Variants in SMG1 observed in about 807,000 individuals in gnomAD.
SMG1 encodes the protein SMG1 nonsense mediated mRNA decay associated PI3K related kinase.
Under a neutral mutation model 419.9 loss-of-function variants are expected in SMG1, and 22 were observed. The ratio of observed to expected loss-of-function variants is 0.05; its 90% CI spans 0.04 to 0.07. The LOEUF is 0.07. SMG1 is among the 10% of genes least tolerant of loss of function. The pLI is 1.00. For synonymous variants in SMG1, 1,538 were observed against 1,553.5 expected (o/e 0.99, Z 0.23); for missense variants, 3,185 against 4,342.0 (o/e 0.73, Z 7.49).
chr16:18,903,900 G>A (rs1259588357), intron 1 of SMG1, among the ~76,000 whole-genome samples: 2 of 145,830 alleles, frequency 1.4e-5, no homozygotes, highest in Non-Finnish European at 3.0e-5. Context: ...ATCTGGATCT[G>A]TCTATTCCCC....
Position 18,838,061 on chromosome 16 carries a change from G to A in SMG1, c.7366C>T (p.Arg2456Ter), listed in dbSNP as rs768541130. Reference sequence around the variant, plus strand: ...GAAAACAGGCTGCGGGTGATCTCTCGCTCCATCTCTCTCTTGCTCTGCTTG... The same window carrying A: ...GAAAACAGGCTGCGGGTGATCTCTCACTCCATCTCTCTCTTGCTCTGCTTG... ...ESKQSKREMEREITRSLFSSR... is the reference protein window; with the variant it reads ...ESKQSKREME The change falls in exon 45 of 63, where the codon CGA becomes TGA. Residue 2456 changes from arginine to a stop codon, truncating the protein, a stop_gained. Transcript: ENST00000446231. LOFTEE classifies it high-confidence loss of function. The A allele has an allele frequency of 6.2e-7, 1 of 1,613,842 alleles. No individual in the cohort carries two copies.
intron 1 of SMG1, among the ~76,000 whole-genome samples, chr16:18,908,418 C>T (rs2037659700): frequency 7.5e-6 from 1 of 133,070 alleles, no homozygotes; most frequent in Non-Finnish European, 1.5e-5. Context: ...TTAAGAATCA[C>T]TAAGAGTTAC....
chr16:18,815,424 C>A lies in SMG1; in HGVS notation c.10514+16G>T. The A allele has an allele frequency of 1.9e-6, 3 of 1,612,442 alleles. No individual in the cohort carries two copies. The highest frequency in any genetic ancestry group is 2.5e-6 in the Non-Finnish European group (3 of 1,178,566). Reference sequence around the variant, plus strand: ...GTACTTATGTTTTATAAATTCTGACCAGAAGGCATTCTTACCTCTGACTTT... The same window carrying A: ...GTACTTATGTTTTATAAATTCTGACAAGAAGGCATTCTTACCTCTGACTTT... On this transcript the variant is annotated intron_variant, in intron 59 of 62. Transcript: ENST00000446231.
At position 18,882,175 on chromosome 16, in the gene SMG1, T is replaced by C; in HGVS notation, c.1283A>G (p.Tyr428Cys). ...PIRGPPITEA[Y>C]VTDVLYRVMR... ...CCCAAAAGCACTTACATCTGTTACA[T>C]ATGCCTCAGTAATTGGAGGACCCCG... Residue 428 changes from tyrosine (Y) to cysteine (C), a missense_variant, in exon 10 of 63, where the codon TAT (tyrosine) becomes TGT (cysteine). Physicochemically the swap from Tyr to Cys is radical, Grantham distance 194. Around this residue, in one of 27 missense-constraint regions of SMG1, gnomAD observed 52 missense variants for 69.0 expected, o/e 0.75. Transcript: ENST00000446231. 6.3e-7 allele frequency: 1 copy of C among 1,579,800 alleles called. No homozygotes were observed. Among genetic ancestry groups the C allele is most frequent in the Non-Finnish European group, 8.6e-7 (1 of 1,165,132 alleles).
chr16:18,908,433 C>T (rs1332590929), intron 1 of SMG1, among the ~76,000 whole-genome samples: 1 of 140,752 alleles, frequency 7.1e-6, no homozygotes, highest in Non-Finnish European at 1.5e-5. Flanking sequence ...AGTTACATTG[C>T]ACCACTGCAC....
chr16:18,827,601 G>C (rs2032814792), intron 55 of SMG1, among the ~76,000 whole-genome samples: 1 of 131,834 alleles, frequency 7.6e-6, no homozygotes, highest in Non-Finnish European at 1.6e-5. Context: ...AGATATATTT[G>C]GTATAAATAT....
At chr16:18,882,803 T>C (rs56750575) in intron 9 of SMG1, among the ~76,000 whole-genome samples, 10,068 of 152,124 alleles carry the variant, frequency 0.066, 1,110 homozygotes, top group African/African-American at 0.23. Context: ...AGATGTGTAA[T>C]TGAAGAAGTA....
At chr16:18,908,640 G>A (rs1342805277) in intron 1 of SMG1, among the ~76,000 whole-genome samples, 4 of 152,092 alleles carry the variant, frequency 2.6e-5, no homozygotes, top group African/African-American at 9.7e-5. Flanking sequence ...AGCACTTTGG[G>A]AGGCCAAGGC....
intron 35 of SMG1, 147 bp downstream of exon 35, chr16:18,849,802 G>C (rs1596517508): frequency 1.4e-6 from 1 of 716,050 alleles, no homozygotes; most frequent in East Asian, 2.8e-5. Context: ...TCCTAGTGAT[G>C]TAACAAGCAG....
chr16:18,883,866 C>A (rs539050584), intron 9 of SMG1, among the ~76,000 whole-genome samples: 1 of 150,936 alleles, frequency 6.6e-6, no homozygotes, highest in South Asian at 2.1e-4. Context: ...TTGCAGTGAG[C>A]CGAGACCGTG....
chr16:18,845,506 T>C lies in SMG1; in HGVS notation c.6142A>G (p.Ile2048Val), dbSNP rs1349578794. ...KWFQDNYGDAIENALEKLKTP... is the reference protein window; with the variant it reads ...KWFQDNYGDAVENALEKLKTP... ...TTCAGTTTTTCTAGGGCATTTTCAA[T>C]GGCATCACCATAGTTATCCTGAAAC... Residue 2048 changes from isoleucine (I) to valine (V), a missense_variant, in exon 39 of 63, where the codon ATT becomes GTT. By Grantham distance (29) the Ile-to-Val change is conservative (BLOSUM62 3). Transcript: ENST00000446231. 1 of 1,613,894 alleles carries C rather than the reference T, an allele frequency of 6.2e-7. No homozygotes were observed. The highest frequency in any genetic ancestry group is 1.3e-5 in the African/African-American group (1 of 74,936).
chr16:18,812,757 G>A (rs1410863378), intron 60 of SMG1, among the ~76,000 whole-genome samples: 2 of 152,078 alleles, frequency 1.3e-5, no homozygotes, highest in African/African-American at 4.8e-5. Context: ...TGCCATGTTG[G>A]TGTGCTGCAC....
At position 18,808,005 on chromosome 16, in the gene SMG1, C is replaced by A. The variant is rs2141039476; in HGVS notation, c.*1564G>T. ...CTCGCTCTCCTAACCTCATGATCCG[C>A]CCGCCTCGGCCTCCCAAAGTGCTGG... On this transcript the variant is annotated 3_prime_UTR_variant, in exon 63 of 63. Coordinates refer to ENST00000446231, the MANE Select transcript of SMG1 (RefSeq NM_015092.5). The A allele has an allele frequency of 6.6e-6, 1 of 152,386 alleles. No individual in the cohort carries two copies. Among genetic ancestry groups the A allele is most frequent in the Middle Eastern group, 3.4e-3 (1 of 294 alleles). 9.4% of individuals were successfully genotyped at this position (152,386 alleles called of 1,614,324 possible).
chr16:18,859,864 C>G (rs1274119530), intron 26 of SMG1, among the ~76,000 whole-genome samples, 161 bp from the exon 27 acceptor site: 6 of 152,116 alleles, frequency 3.9e-5, no homozygotes, highest in Admixed American at 3.9e-4. Context: ...AAAAATCATA[C>G]TTCATACAAA....
rs2037155320 is a variant in SMG1, at chr16:18,896,936, T to C, written c.113A>G (p.Asp38Gly). The change falls in exon 2 of 63, where the codon GAC becomes GGC. Residue 38 changes from aspartate (D) to glycine (G), a missense_variant. Coordinates refer to ENST00000446231, the MANE Select transcript of SMG1 (RefSeq NM_015092.5). ...TGAAGAATATTTTAAATTATCTGGG[T>C]CGGCTGATGCACTATCAGTTCTATA... The part of the protein sequence containing the change: ...WQPRTDSASA[D>G]PDNLKYSSSR... 1 of 1,575,150 alleles carries C rather than the reference T, an allele frequency of 6.3e-7. No homozygotes were observed. The highest frequency in any genetic ancestry group is 1.1e-5 in the South Asian group (1 of 87,080).
In SMG1 at chr16:18,817,383, C is replaced by T. The variant is rs752359659; in HGVS notation, c.9982G>A (p.Glu3328Lys). 6.2e-7 allele frequency: 1 copy of T among 1,609,602 alleles called. No individual in the cohort carries two copies. The highest frequency in any genetic ancestry group is 1.7e-4 in the Middle Eastern group (1 of 6,058). Residue 3328 changes from glutamate (E) to lysine (K), a missense_variant, in exon 57 of 63, where the codon GAA (glutamate) becomes AAA (lysine). Coordinates refer to ENST00000446231, the MANE Select transcript of SMG1 (RefSeq NM_015092.5). Reference protein sequence around the residue: ...EALNLDAALFELIKRCQQMCS... With the variant: ...EALNLDAALFKLIKRCQQMCS... ...ATCTGCTGACATCGCTTGATTAGTT[C>T]AAATAACGCCGCATCCAGGTTTAAG... is the stretch of plus-strand genomic sequence containing the variant.
intron 11 of SMG1, chr16:18,879,117 A>T (rs1449183390): frequency 1.0e-5 from 3 of 288,292 alleles, no homozygotes; most frequent in Admixed American, 5.0e-5. Context: ...CAAAGCCCTT[A>T]TTTTTTTTTC....
At chr16:18,836,275 A>C (rs2033566659) in intron 47 of SMG1, 63 bp from the exon 48 acceptor site, 1 of 1,590,898 alleles carries the variant, frequency 6.3e-7, no homozygotes, top group African/African-American at 1.3e-5. Flanking sequence ...CACTAAAAGC[A>C]AGCACAAACC....
chr16:18,924,798 A>T (rs1234292123), intron 1 of SMG1: 2 of 152,226 alleles, frequency 1.3e-5, no homozygotes, highest in African/African-American at 2.4e-5. Flanking sequence ...TGTACCACCT[A>T]TTAGCCAAAG....
Sources: gnomAD v4.1 joint callset for allele counts (sites outside exome capture counted in the v4.1 genomes callset) on GRCh38, gnomAD v4.1.1 for gene constraint, gnomAD v4.1.1 regional missense constraint, MANE v1.5 for transcripts, NCBI Gene and HGNC (gene_info 2026-07-23, HGNC 2026-07-21) for gene names.